Variants in APOBEC3F observed in about 807,000 individuals in gnomAD.
APOBEC3F encodes the protein DNA dC->dU-editing enzyme APOBEC-3F.
A neutral mutation model predicts 45.8 loss-of-function variants in APOBEC3F; 34 were observed. The ratio of observed to expected loss-of-function variants is 0.74; its 90% CI spans 0.57 to 0.99. The LOEUF (loss-of-function observed/expected upper bound fraction) is 0.99, where lower values mean the gene tolerates loss of function less well. APOBEC3F is among the 50% of genes least tolerant of loss of function. The pLI is 0.00. For synonymous variants in APOBEC3F, 192 were observed against 174.4 expected (o/e 1.10, Z -0.80); for missense variants, 459 against 474.1 (o/e 0.97, Z 0.30).
At position 39,055,005 on chromosome 22, in the gene APOBEC3F, T is replaced by A. The variant is rs572961681; in HGVS notation, c.*2310T>A. 3.9e-5 allele frequency among the ~76,000 whole-genome samples: 6 copies of A among 151,998 alleles called. No individual in the cohort carries two copies. The highest frequency in any genetic ancestry group is 1.4e-4 in the African/African-American group (6 of 41,490). ...CCTCCTGGATGGCAGGGATCCCTTC[T>A]GGCTGTGTCCTCTGTGGCCTTTCCT... On this transcript the variant is annotated 3_prime_UTR_variant, in exon 7 of 7. Transcript: ENST00000308521.
intron 2 of APOBEC3F, chr22:39,044,318 A>G (rs1927090415): frequency 7.0e-7 from 1 of 1,430,746 alleles, no homozygotes. Context: ...GGCTGGGAAA[A>G]CTTCCAAACG....
chr22:39,052,517 G>T (rs1024453501), intron 6 of APOBEC3F, 60 bp from the exon 7 acceptor site: 3 of 1,579,792 alleles, frequency 1.9e-6, no homozygotes, highest in Non-Finnish European at 2.6e-6. Context: ...GGAGGGGAGG[G>T]CCCAGGGCTG....
chr22:39,046,864 A>C (rs1052167581), intron 4 of APOBEC3F, among the ~76,000 whole-genome samples: 8 of 152,076 alleles, frequency 5.3e-5, no homozygotes, highest in African/African-American at 7.2e-5. Flanking sequence ...AGGCTTGGAT[A>C]ATGGGAGGCT....
At chr22:39,050,685 G>A (rs1012756531) in intron 5 of APOBEC3F, among the ~76,000 whole-genome samples, 15 of 151,662 alleles carry the variant, frequency 9.9e-5, no homozygotes, top group Non-Finnish European at 2.1e-4. Context: ...TTTGAAATGC[G>A]CTGTGTATTT....
intron 5 of APOBEC3F, among the ~76,000 whole-genome samples, chr22:39,050,316 C>T (rs1378640956): frequency 1.3e-5 from 2 of 152,114 alleles, no homozygotes; most frequent in East Asian, 3.9e-4. Context: ...GGTGAACCCT[C>T]GCTCCTCACC....
chr22:39,053,619 TAAATC>T lies in APOBEC3F; in HGVS notation c.*927_*931del, dbSNP rs1266577077. ...AACAGATCGAGACCCTGCCTGAAAA[TAAATC>T]AATAAATAAACTCAACCGAAATGGG... On this transcript the variant is annotated 3_prime_UTR_variant, in exon 7 of 7. Coordinates refer to ENST00000308521, the MANE Select transcript of APOBEC3F (RefSeq NM_145298.6). 1.3e-5 allele frequency: 2 copies of T among 151,984 alleles called. No homozygotes were observed. The highest frequency in any genetic ancestry group is 3.9e-4 in the East Asian group (2 of 5,172). 9.4% of individuals were successfully genotyped at this position (151,984 alleles called of 1,614,324 possible). A position where few individuals can be genotyped will look rare whatever the true frequency, so the allele number is the denominator to read the frequency against.
rs190258893 is a variant in APOBEC3F at position 39,048,578 on chromosome 22, C to G, written c.567-847C>G. ...TAATCCCAGCACTTTGGGAGGCAGG[C>G]GGGCAGATCACAAGGTCAGGAGTTC... On this transcript the variant is annotated intron_variant, in intron 4 of 6. Transcript: ENST00000308521. Among the ~76,000 whole-genome samples the G allele has an allele frequency of 8.9e-4, 135 of 151,630 alleles. No individual in the cohort carries two copies. The East Asian group carries it at 0.015, about 17-fold the overall frequency.
intron 5 of APOBEC3F, among the ~76,000 whole-genome samples, chr22:39,051,821 G>A (rs2146350871): frequency 6.6e-6 from 1 of 152,256 alleles, no homozygotes; most frequent in Admixed American, 6.5e-5. Context: ...AGGCGTGGTG[G>A]CACGCACCTG....
intron 1 of APOBEC3F, 57 bp from the exon 2 acceptor site, chr22:39,042,880 C>T (rs1753750982): frequency 1.9e-6 from 3 of 1,603,824 alleles, no homozygotes; most frequent in Non-Finnish European, 2.6e-6. Flanking sequence ...GGACATCAGC[C>T]CTGAGGGCTC....
In APOBEC3F at chr22:39,046,305, G is replaced by A. The variant is rs117367307; in HGVS notation, c.566+763G>A. On this transcript the variant is annotated intron_variant, in intron 4 of 6. Transcript: ENST00000308521. ...CCAAATACAGTTATCCTGTGAGGAGGTGGGGATGAGGGTTTCAACATATCA... is the reference window on the plus strand; with the variant it reads ...CCAAATACAGTTATCCTGTGAGGAGATGGGGATGAGGGTTTCAACATATCA... Among the ~76,000 whole-genome samples, 406 of 152,328 alleles carry A rather than the reference G, an allele frequency of 2.7e-3. 6 individuals are homozygous for A. In the East Asian group the frequency reaches 0.034, roughly 13 times the overall value.
chr22:39,049,858 C>T (rs1927399327), intron 5 of APOBEC3F, among the ~76,000 whole-genome samples: 1 of 151,998 alleles, frequency 6.6e-6, no homozygotes, highest in African/African-American at 2.4e-5. Flanking sequence ...CACCACCACA[C>T]CCAGCTAATT....
In APOBEC3F at chr22:39,044,061, C is replaced by T. The variant is rs1267021852; in HGVS notation, c.172-880C>T. On this transcript the variant is annotated intron_variant, in intron 2 of 6. Transcript: ENST00000308521. ...CAAAAAACAAAAAAAGATAAATGAG[C>T]GGTGTATGGTGTATTTTTCAGGTGC... is the stretch of plus-strand genomic sequence containing the variant. The T allele has an allele frequency of 4.6e-6, 7 of 1,507,510 alleles. No individual in the cohort carries two copies. In the African/African-American group the frequency reaches 5.7e-5, roughly 12 times the overall value. The allele number at this position is 1,507,510 out of a possible 1,614,324, so 93.4% of individuals were successfully genotyped here. A position where few individuals can be genotyped will look rare whatever the true frequency, so the allele number is the denominator to read the frequency against.
At chr22:39,048,505 T>C (rs1249313694) in intron 4 of APOBEC3F, among the ~76,000 whole-genome samples, 1 of 151,658 alleles carries the variant, frequency 6.6e-6, no homozygotes, top group Non-Finnish European at 1.5e-5. Flanking sequence ...AAACCCAGTC[T>C]CTACTAAAAA....
At chr22:39,050,765 C>T (rs1292800295) in intron 5 of APOBEC3F, among the ~76,000 whole-genome samples, 2 of 151,892 alleles carry the variant, frequency 1.3e-5, no homozygotes, top group Non-Finnish European at 2.9e-5. Flanking sequence ...CAACCTTCAA[C>T]TCCATGGGAC....
At chr22:39,048,225 G>A (rs1453930150) in intron 4 of APOBEC3F, among the ~76,000 whole-genome samples, 3 of 152,200 alleles carry the variant, frequency 2.0e-5, no homozygotes, top group African/African-American at 4.8e-5. Context: ...GGGCTGGCCC[G>A]GAAAGGGGCC....
chr22:39,050,413 T>TA (rs1295545167), intron 5 of APOBEC3F, among the ~76,000 whole-genome samples: 5 of 30,204 alleles, frequency 1.7e-4, no homozygotes, highest in African/African-American at 3.0e-4. Context: ...AGGCAGGAGA[T>TA]TTTTTCAGAG....
intron 1 of APOBEC3F, 89 bp downstream of exon 1, chr22:39,041,066 C>T (rs901614304): frequency 1.9e-5 from 30 of 1,540,688 alleles, no homozygotes; most frequent in Middle Eastern, 2.1e-4. Context: ...CCTCCCCCTG[C>T]CCCAGCCCCA....
At chr22:39,047,059 G>A (rs1439122698) in intron 4 of APOBEC3F, among the ~76,000 whole-genome samples, 1 of 152,160 alleles carries the variant, frequency 6.6e-6, no homozygotes, top group Non-Finnish European at 1.5e-5. Context: ...GTGACATAGG[G>A]ACAAGAGCTC....
chr22:39,052,109 C>T lies in APOBEC3F; in HGVS notation c.759C>T (p.Cys253=). ...DPETHCHAER[C]FLSWFCDDIL... ...AGACCCATTGTCATGCAGAAAGGTG[C>T]TTCCTCTCTTGGTTCTGTGACGACA... Residue 253 remains cysteine, a synonymous_variant, in exon 6 of 7, where the codon TGC becomes TGT. Coordinates refer to ENST00000308521, the MANE Select transcript of APOBEC3F (RefSeq NM_145298.6). 1 of 1,613,178 alleles carries T rather than the reference C, an allele frequency of 6.2e-7. No homozygotes were observed. Among genetic ancestry groups the T allele is most frequent in the Non-Finnish European group, 8.5e-7 (1 of 1,179,206 alleles).
Sources: gnomAD v4.1 joint callset for allele counts (sites outside exome capture counted in the v4.1 genomes callset) on GRCh38, gnomAD v4.1.1 for gene constraint, MANE v1.5 for transcripts, NCBI Gene and HGNC (gene_info 2026-07-23, HGNC 2026-07-21) for gene names.